PCDHGA8: variants seen among roughly 807,000 people sequenced by gnomAD.
PCDHGA8 encodes protocadherin gamma subfamily A, 8, also known as protocadherin gamma-A8.
Under a neutral mutation model 59.2 loss-of-function variants are expected in PCDHGA8, and 45 were observed. The ratio of observed to expected loss-of-function variants is 0.76; its 90% CI spans 0.60 to 0.98. The LOEUF is 0.98. Ranked by LOEUF, PCDHGA8 falls within the 50% of genes least tolerant of loss-of-function variation. PCDHGA8 has a pLI of 0.00. For synonymous variants in PCDHGA8, 531 were observed against 519.0 expected (o/e 1.02, Z -0.32); for missense variants, 1,257 against 1,196.2 (o/e 1.05, Z -0.75).
chr5:141,471,926 G>A (rs2099266798), intron 1 of PCDHGA8, among the ~76,000 whole-genome samples: 2 of 152,110 alleles, frequency 1.3e-5, no homozygotes. Flanking sequence ...AATTTTGGGG[G>A]TGATGAGAGT....
Position 141,486,178 on chromosome 5 carries a change from C to A in PCDHGA8, c.2425-8629C>A, listed in dbSNP as rs767840363. On this transcript the variant is annotated intron_variant, in intron 1 of 3. Transcript: ENST00000398604. This position sits in a 1 kb window ranked among gnomAD's most constrained non-coding sequence, Gnocchi z 5.0. ...CTCCAGCCATGGAGCAACATTGCAG[C>A]CTTCGAGTGGATCTGCTGGACGTAA... 1.2e-6 allele frequency: 2 copies of A among 1,614,194 alleles called. No homozygotes were observed. The highest frequency in any genetic ancestry group is 2.2e-5 in the East Asian group (1 of 44,882).
Position 141,485,182 on chromosome 5 carries a change from C to A in PCDHGA8, c.2425-9625C>A. 6.2e-7 allele frequency: 1 copy of A among 1,613,070 alleles called. No individual in the cohort carries two copies. The highest frequency in any genetic ancestry group is 8.5e-7 in the Non-Finnish European group (1 of 1,179,154). On this transcript the variant is annotated intron_variant, in intron 1 of 3. Coordinates refer to ENST00000398604, the MANE Select transcript of PCDHGA8 (RefSeq NM_032088.2). This position sits in a 1 kb window ranked among gnomAD's most constrained non-coding sequence, Gnocchi z 5.7. ...ATTAGCGGGCGGCAGCAATGCTCCG[C>A]AAGGTGAGAAGCTGGACAGAAATCT...
At chr5:141,428,290 C>G in intron 1 of PCDHGA8, 2 of 726,802 alleles carry the variant, frequency 2.8e-6, no homozygotes, top group Non-Finnish European at 4.8e-6. Context: ...CCAAGCAAAG[C>G]TGCAGATTTA....
chr5:141,486,322 A>G lies in PCDHGA8; in HGVS notation c.2425-8485A>G. The G allele has an allele frequency of 1.9e-6, 3 of 1,613,926 alleles. No homozygotes were observed. The highest frequency in any genetic ancestry group is 2.5e-6 in the Non-Finnish European group (3 of 1,179,962). On this transcript the variant is annotated intron_variant, in intron 1 of 3. Coordinates refer to ENST00000398604, the MANE Select transcript of PCDHGA8 (RefSeq NM_032088.2). This position sits in a 1 kb window ranked among gnomAD's most constrained non-coding sequence, Gnocchi z 5.0. ...AGGATCCAGACTCAGGGTCAAACGG[A>G]GATGTGAGCCTCCGCATTCCTGACC...
Position 141,450,830 on chromosome 5 carries a change from T to TTA in PCDHGA8, c.2425-43976_2425-43975insAT, listed in dbSNP as rs200967731. 4.3e-3 allele frequency among the ~76,000 whole-genome samples: 438 copies of TTA among 101,540 alleles called. 3 individuals carry two copies. Among genetic ancestry groups the TTA allele is most frequent in the African/African-American group, 0.015 (349 of 23,046 alleles). 66.6% of individuals were successfully genotyped at this position (101,540 alleles called of 152,430 possible). ...TATTTATTTAATATTATTATTATTA[T>TTA]TTTTTTTTTTTTGAGATGGGGTCTT... On this transcript the variant is annotated intron_variant, in intron 1 of 3. Transcript: ENST00000398604.
chr5:141,405,204 A>G, intron 1 of PCDHGA8: 1 of 1,613,034 alleles, frequency 6.2e-7, no homozygotes. Flanking sequence ...GCTTTCCTAC[A>G]GACCTATTCT....
Position 141,489,524 on chromosome 5 carries a change from T to TA in PCDHGA8, c.2425-5282dup. Reference sequence around the variant, plus strand: ...AATCAAAAGATTGACCGAGAAAGCCTATGTGGAGCCAGCACCAGCTGCCTG... The same window carrying TA: ...AATCAAAAGATTGACCGAGAAAGCCTAATGTGGAGCCAGCACCAGCTGCCTG... On this transcript the variant is annotated intron_variant, in intron 1 of 3. Transcript: ENST00000398604. This position sits in a 1 kb window ranked among gnomAD's most constrained non-coding sequence, Gnocchi z 4.5. 6.2e-7 allele frequency: 1 copy of TA among 1,614,076 alleles called. No homozygotes were observed. Among genetic ancestry groups the TA allele is most frequent in the Non-Finnish European group, 8.5e-7 (1 of 1,180,010 alleles).
At chr5:141,409,097 G>C in intron 1 of PCDHGA8, 1 of 1,613,958 alleles carries the variant, frequency 6.2e-7, no homozygotes, top group Non-Finnish European at 8.5e-7. Context: ...TGAGAAAACA[G>C]GTATGATTAA....
chr5:141,400,220 T>C, intron 1 of PCDHGA8: 1 of 1,614,006 alleles, frequency 6.2e-7, no homozygotes. Context: ...ATCTCAGTGC[T>C]CTTCCTCCTG....
intron 1 of PCDHGA8, chr5:141,421,806 A>G: frequency 6.2e-7 from 1 of 1,613,842 alleles, no homozygotes; most frequent in Non-Finnish European, 8.5e-7. Context: ...CCAAGAATCC[A>G]GAGCTAGTAC....
At position 141,394,679 on chromosome 5, in the gene PCDHGA8, C is replaced by T. The variant is rs532730881; in HGVS notation, c.1866C>T (p.His622=). 1 of 1,612,552 alleles carries T rather than the reference C, an allele frequency of 6.2e-7. No individual in the cohort carries two copies. The highest frequency in any genetic ancestry group is 1.3e-5 in the African/African-American group (1 of 74,832). Residue 622 remains histidine (H), a synonymous_variant, in exon 1 of 4, where the codon CAC becomes CAT. Transcript: ENST00000398604. ...SEPGLFSVGL[H]TGEVRTARAL... ...CGGGACTCTTCTCGGTGGGTCTGCACACGGGCGAGGTGCGCACGGCGCGAG... is the reference window on the plus strand; with the variant it reads ...CGGGACTCTTCTCGGTGGGTCTGCATACGGGCGAGGTGCGCACGGCGCGAG...
chr5:141,509,442 T>C (rs1473514859), intron 3 of PCDHGA8, among the ~76,000 whole-genome samples: 3 of 152,008 alleles, frequency 2.0e-5, no homozygotes, highest in Non-Finnish European at 2.9e-5. Flanking sequence ...TGTTTCCTCC[T>C]CTCCCACCCC....
In PCDHGA8 at chr5:141,432,596, G is replaced by T; in HGVS notation, c.2424+37359G>T. On this transcript the variant is annotated intron_variant, in intron 1 of 3. Transcript: ENST00000398604. This position sits in a 1 kb window ranked among gnomAD's most constrained non-coding sequence, Gnocchi z 6.0. The stretch of plus-strand genomic sequence containing the variant: ...GTCCTACCGTCTGCTCAAGGCCAGC[G>T]AGCCGGGACTCTTCTCGGTGGGTCT... 6.8e-6 allele frequency: 11 copies of T among 1,613,926 alleles called. No individual in the cohort carries two copies. The highest frequency in any genetic ancestry group is 9.3e-6 in the Non-Finnish European group (11 of 1,179,972).
At chr5:141,423,562 AC>A in intron 1 of PCDHGA8, 1 of 1,613,612 alleles carries the variant, frequency 6.2e-7, no homozygotes, top group Non-Finnish European at 8.5e-7. Flanking sequence ...CTATGGGGAC[AC>A]GCTCATCAGC....
At chr5:141,408,797 C>T (rs965305130) in intron 1 of PCDHGA8, 1 of 1,612,958 alleles carries the variant, frequency 6.2e-7, no homozygotes, top group African/African-American at 1.3e-5. Flanking sequence ...TCTGGAGAAA[C>T]TCCTAGACCG....
intron 1 of PCDHGA8, chr5:141,413,330 T>G (rs770842309): frequency 6.2e-7 from 1 of 1,613,812 alleles, no homozygotes; most frequent in Non-Finnish European, 8.5e-7. Context: ...GTGGGCAACA[T>G]CTCCAAGGAC....
intron 2 of PCDHGA8, among the ~76,000 whole-genome samples, chr5:141,504,443 A>C (rs1043353401): frequency 2.0e-5 from 3 of 152,070 alleles, no homozygotes; most frequent in African/African-American, 4.8e-5. Context: ...CAGTGTGACT[A>C]GTGCCATGTG....
intron 1 of PCDHGA8, chr5:141,428,912 T>C (rs1010303812): frequency 6.6e-6 from 1 of 151,946 alleles, no homozygotes; most frequent in Non-Finnish European, 1.5e-5. Context: ...TGGAGTGCAG[T>C]GGCATGATCT....
intron 1 of PCDHGA8, among the ~76,000 whole-genome samples, chr5:141,451,611 G>C (rs1004906441): frequency 6.6e-6 from 1 of 152,166 alleles, no homozygotes; most frequent in Admixed American, 6.5e-5. Context: ...GCTAGGCATG[G>C]TGGCTCAAAC....
Sources: gnomAD v4.1 joint callset for allele counts (sites outside exome capture counted in the v4.1 genomes callset) on GRCh38, gnomAD v4.1.1 for gene constraint, Gnocchi (gnomAD v3.1) non-coding constraint, MANE v1.5 for transcripts, NCBI Gene and HGNC (gene_info 2026-07-23, HGNC 2026-07-21) for gene names.